The following ZMYM2 variants were observed in gnomAD, a reference collection of about 807,000 sequenced individuals.
The protein encoded by ZMYM2 is zinc finger MYM-type protein 2.
In ZMYM2, 56 loss-of-function variants were observed where a neutral mutation model predicts 162.8. The observed-to-expected ratio is 0.34, with a 90% CI of 0.28 to 0.43. The LOEUF (loss-of-function observed/expected upper bound fraction) is 0.43, where lower values mean the gene tolerates loss of function less well. Among genes scored for constraint, ZMYM2 ranks in the 20% least tolerant of loss-of-function variants. The pLI is 1.00. For missense variants in ZMYM2, 1,275 were observed against 1,621.8 expected, an observed-to-expected ratio of 0.79 and a Z score of 3.67; for synonymous variants, 510 against 541.6, an observed-to-expected ratio of 0.94 and a Z score of 0.81.
chr13:19,979,410 C>G (rs1222487753), intron 2 of ZMYM2, among the ~76,000 whole-genome samples: 2 of 144,548 alleles, frequency 1.4e-5, no homozygotes, highest in African/African-American at 2.5e-5. Flanking sequence ...TAGAGCTGTT[C>G]ACGTGACTTT....
At chr13:19,967,118 C>T (rs1173454994) in intron 2 of ZMYM2, among the ~76,000 whole-genome samples, 2 of 152,108 alleles carry the variant, frequency 1.3e-5, no homozygotes, top group Non-Finnish European at 2.9e-5. Flanking sequence ...AGTCTTCCTC[C>T]TGGACTTACC....
the ZMYM2 span, among the ~76,000 whole-genome samples, chr13:19,874,458 C>T: frequency 3.3e-5 from 5 of 152,174 alleles, no homozygotes; most frequent in South Asian, 1.0e-3. Flanking sequence ...GTCTCTAACT[C>T]CTGGGCTCAG....
At chr13:20,030,500 G>A (rs1163397828) in intron 9 of ZMYM2, among the ~76,000 whole-genome samples, 3 of 150,942 alleles carry the variant, frequency 2.0e-5, no homozygotes, top group East Asian at 2.0e-4. Flanking sequence ...CTGGGTTCAC[G>A]CCATTCTCCT....
the ZMYM2 span, among the ~76,000 whole-genome samples, chr13:19,918,495 CTTTTTTT>C: frequency 3.3e-4 from 36 of 107,498 alleles, no homozygotes; most frequent in South Asian, 9.9e-4. Context: ...TTCTTTCTTT[CTTTTTTT>C]TTTTTTTTTT....
chr13:20,040,303 G>A (rs1399792714), intron 12 of ZMYM2, among the ~76,000 whole-genome samples: 1 of 152,020 alleles, frequency 6.6e-6, no homozygotes, highest in Non-Finnish European at 1.5e-5. Context: ...GTTTTTTCCT[G>A]GCTCAGTCTT....
At chr13:20,061,940 T>A (rs1020504151) in intron 17 of ZMYM2, among the ~76,000 whole-genome samples, 1 of 151,698 alleles carries the variant, frequency 6.6e-6, no homozygotes, top group African/African-American at 2.4e-5. Flanking sequence ...TAAACCAGAG[T>A]TTATCTTAAC....
intron 3 of ZMYM2, among the ~76,000 whole-genome samples, chr13:19,997,331 GT>G (rs1382007526): frequency 6.6e-6 from 1 of 152,124 alleles, no homozygotes; most frequent in Admixed American, 6.6e-5. Context: ...TTTCCTTAGA[GT>G]ATATTCCTAC....
At chr13:20,056,389 T>TG (rs1955797628) in intron 14 of ZMYM2, among the ~76,000 whole-genome samples, 2 of 152,346 alleles carry the variant, frequency 1.3e-5, no homozygotes. Context: ...GTGAAGAACT[T>TG]GGAAGTGCCC....
chr13:19,925,625 C>A, the ZMYM2 span, among the ~76,000 whole-genome samples: 1 of 152,038 alleles, frequency 6.6e-6, no homozygotes, highest in African/African-American at 2.4e-5. Flanking sequence ...GTAATCCCAG[C>A]ACTTTAGGAG....
chr13:20,060,521 A>G (rs1211368635), intron 16 of ZMYM2, among the ~76,000 whole-genome samples: 1 of 152,168 alleles, frequency 6.6e-6, no homozygotes, highest in Non-Finnish European at 1.5e-5. Context: ...TCTACTAAAA[A>G]TACAAAATTA....
the ZMYM2 span, among the ~76,000 whole-genome samples, chr13:19,893,259 TCTTGATAG>T: frequency 6.7e-6 from 1 of 149,220 alleles, no homozygotes; most frequent in Admixed American, 6.7e-5. Flanking sequence ...ATTTGCCTGT[TCTTGATAG>T]CTTGTATCAG....
the ZMYM2 span, among the ~76,000 whole-genome samples, chr13:19,902,565 G>A: frequency 0.012 from 1,804 of 152,188 alleles, 30 homozygotes; most frequent in African/African-American, 0.041. Context: ...GCAGTGAGCC[G>A]AGATCGTGCC....
Position 20,067,245 on chromosome 13 carries a change from C to A in ZMYM2, c.3308C>A (p.Ser1103Ter). The change falls in exon 21 of 25, where the codon TCA becomes TAA. Residue 1103 changes from serine (S) to a stop codon, truncating the protein, a stop_gained. Transcript: ENST00000610343. LOFTEE classifies it high-confidence loss of function. ...TTATTTTATGTATTTTTAGCTAAAT[C>A]AGTAAAGTTAAAAGAGGATCTACTC... Reference protein sequence around the residue: ...LVLDELKSSKSVKLKEDLLSH... With the variant: ...LVLDELKSSK The A allele has an allele frequency of 6.5e-7, 1 of 1,539,202 alleles. No homozygotes were observed. The highest frequency in any genetic ancestry group is 8.8e-7 in the Non-Finnish European group (1 of 1,140,270).
the ZMYM2 span, among the ~76,000 whole-genome samples, chr13:19,893,821 C>T: frequency 3.7e-3 from 565 of 151,770 alleles, 21 homozygotes; most frequent in African/African-American, 0.013. Context: ...AATGGATACA[C>T]AATAAAAATA....
chr13:20,063,904 T>C (rs1458900031), intron 18 of ZMYM2, among the ~76,000 whole-genome samples: 13 of 9,168 alleles, frequency 1.4e-3, no homozygotes, highest in Non-Finnish European at 0.011. Flanking sequence ...TATAATTTTA[T>C]ATATAATATA....
Position 20,086,421 on chromosome 13 carries a change from G to A in ZMYM2, c.*407G>A, listed in dbSNP as rs1193569097. Reference sequence around the variant, plus strand: ...TTAACCAGATGGTTGTGTATGGGTAGCACTACTAAAAGTTTAGAACTTGCA... The same window carrying A: ...TTAACCAGATGGTTGTGTATGGGTAACACTACTAAAAGTTTAGAACTTGCA... On this transcript the variant is annotated 3_prime_UTR_variant, in exon 25 of 25. Coordinates refer to ENST00000610343, the MANE Select transcript of ZMYM2 (RefSeq NM_197968.4). 4.4e-5 allele frequency: 10 copies of A among 225,166 alleles called. No individual in the cohort carries two copies. The Admixed American group carries it at 5.7e-4, about 13-fold the overall frequency. 13.9% of individuals were successfully genotyped at this position (225,166 alleles called of 1,614,324 possible). A position where few individuals can be genotyped will look rare whatever the true frequency, so the allele number is the denominator to read the frequency against.
chr13:19,939,114 C>T, the ZMYM2 span, among the ~76,000 whole-genome samples: 6 of 150,174 alleles, frequency 4.0e-5, no homozygotes, highest in South Asian at 1.0e-3. Flanking sequence ...ACCTCCGCCT[C>T]CTGGGTTCAA....
intron 18 of ZMYM2, among the ~76,000 whole-genome samples, chr13:20,063,421 A>AC (rs1956379691): frequency 1.3e-5 from 2 of 151,404 alleles, no homozygotes; most frequent in African/African-American, 4.9e-5. Flanking sequence ...AAAAAAAAAA[A>AC]AAAAATTCTA....
intron 2 of ZMYM2, among the ~76,000 whole-genome samples, chr13:19,981,470 A>G (rs1434378399): frequency 1.3e-5 from 2 of 152,136 alleles, no homozygotes; most frequent in East Asian, 1.9e-4. Context: ...CTTTCTTGCT[A>G]TCTACTATAA....
Sources: gnomAD v4.1 joint callset for allele counts (sites outside exome capture counted in the v4.1 genomes callset) on GRCh38, gnomAD v4.1.1 for gene constraint, MANE v1.5 for transcripts, NCBI Gene and HGNC (gene_info 2026-07-23, HGNC 2026-07-21) for gene names.